WDFY4: variants seen among roughly 807,000 people sequenced by gnomAD.
The protein encoded by WDFY4 is WDFY family member 4, also known as WD repeat- and FYVE domain-containing protein 4.
A neutral mutation model predicts 351.9 loss-of-function variants in WDFY4; 169 were observed. That is an observed-to-expected ratio of 0.48 (90% CI 0.42 to 0.55). The LOEUF is 0.55. WDFY4 is among the 20% of genes least tolerant of loss of function. WDFY4 has a pLI of 0.00. For synonymous variants in WDFY4, 1,622 were observed against 1,574.6 expected (o/e 1.03, Z -0.71); for missense variants, 3,803 against 3,935.6 (o/e 0.97, Z 0.90).
chr10:48,957,622 C>A (rs1263356044), intron 52 of WDFY4, among the ~76,000 whole-genome samples: 2 of 152,238 alleles, frequency 1.3e-5, no homozygotes, highest in Non-Finnish European at 2.9e-5. Context: ...AGACCTTGGG[C>A]AAGCTCCTGG....
intron 43 of WDFY4, among the ~76,000 whole-genome samples, chr10:48,881,904 G>T (rs755594049): frequency 6.6e-6 from 1 of 152,186 alleles, no homozygotes; most frequent in Non-Finnish European, 1.5e-5. Context: ...AGCATAGCTG[G>T]TGGATCCATC....
chr10:48,719,069 G>A (rs1215332989), intron 2 of WDFY4, among the ~76,000 whole-genome samples: 1 of 152,100 alleles, frequency 6.6e-6, no homozygotes, highest in Non-Finnish European at 1.5e-5. Flanking sequence ...GCCAGAAAAT[G>A]TAAGAATAGA....
At chr10:48,714,399 G>A (rs1475702974) in intron 2 of WDFY4, among the ~76,000 whole-genome samples, 1 of 152,220 alleles carries the variant, frequency 6.6e-6, no homozygotes, top group Non-Finnish European at 1.5e-5. Flanking sequence ...CAGATAAGGA[G>A]GAAGTTTTAT....
At chr10:48,841,572 C>T (rs950736775) in intron 39 of WDFY4, among the ~76,000 whole-genome samples, 2 of 152,202 alleles carry the variant, frequency 1.3e-5, no homozygotes, top group African/African-American at 4.8e-5. Flanking sequence ...CTTACCCATG[C>T]AGGAAAGAGA....
chr10:48,858,727 T>C (rs1348769843), intron 39 of WDFY4, among the ~76,000 whole-genome samples: 1 of 152,220 alleles, frequency 6.6e-6, no homozygotes, highest in Non-Finnish European at 1.5e-5. Flanking sequence ...GAAACTCGTC[T>C]GTATCTAGAA....
intron 53 of WDFY4, 112 bp from the exon 54 acceptor site, chr10:48,963,730 C>A (rs1030029406): frequency 2.5e-6 from 3 of 1,196,844 alleles, no homozygotes; most frequent in South Asian, 3.0e-5. Flanking sequence ...CATCAATTAT[C>A]TCCTCTGTGC....
intron 39 of WDFY4, among the ~76,000 whole-genome samples, chr10:48,833,820 C>A (rs990239406): frequency 2.0e-5 from 3 of 152,156 alleles, no homozygotes; most frequent in Non-Finnish European, 2.9e-5. Flanking sequence ...AAAGGTTCCC[C>A]AGGGAGGTAA....
At chr10:48,923,937 C>G (rs1839345462) in intron 47 of WDFY4, among the ~76,000 whole-genome samples, 1 of 152,174 alleles carries the variant, frequency 6.6e-6, no homozygotes, top group Non-Finnish European at 1.5e-5. Context: ...CCCAGCTGTG[C>G]CGGTTGCCCA....
At chr10:48,770,900 A>G (rs567725364) in intron 13 of WDFY4, among the ~76,000 whole-genome samples, 2 of 152,238 alleles carry the variant, frequency 1.3e-5, no homozygotes, top group Non-Finnish European at 2.9e-5. Context: ...GGAAAACAGC[A>G]ATGCTGGCAA....
chr10:48,787,842 C>CTTCTTCT (rs2066465998), intron 20 of WDFY4, among the ~76,000 whole-genome samples: 1 of 140,212 alleles, frequency 7.1e-6, no homozygotes, highest in Admixed American at 6.9e-5. Flanking sequence ...TCTTCTTCTT[C>CTTCTTCT]TTCTTCTTCT....
chr10:48,940,472 G>C (rs1840694649), intron 47 of WDFY4, among the ~76,000 whole-genome samples: 1 of 152,198 alleles, frequency 6.6e-6, no homozygotes, highest in Non-Finnish European at 1.5e-5. Flanking sequence ...TGACGGTGGG[G>C]CTATGATGGG....
chr10:48,745,103 T>A (rs762582523), intron 12 of WDFY4, among the ~76,000 whole-genome samples: 2 of 152,254 alleles, frequency 1.3e-5, no homozygotes, highest in African/African-American at 2.4e-5. Flanking sequence ...TCTTTTTACA[T>A]GTAAATTTCT....
intron 47 of WDFY4, among the ~76,000 whole-genome samples, chr10:48,904,904 A>C (rs1297999190): frequency 6.6e-6 from 1 of 152,086 alleles, no homozygotes. Context: ...TGTTATCCAC[A>C]AGGGGGTGAG....
At chr10:48,712,805 T>C (rs1589435442) in intron 2 of WDFY4, among the ~76,000 whole-genome samples, 1 of 150,924 alleles carries the variant, frequency 6.6e-6, no homozygotes. Flanking sequence ...TTCCATGAAG[T>C]TCCCCCTTGG....
intron 13 of WDFY4, among the ~76,000 whole-genome samples, chr10:48,769,978 G>A (rs918372504): frequency 6.6e-5 from 10 of 152,166 alleles, no homozygotes; most frequent in African/African-American, 1.7e-4. Context: ...CCTCCATCCC[G>A]TCTCCTGCGT....
chr10:48,713,860 T>C (rs528877667), intron 2 of WDFY4, among the ~76,000 whole-genome samples: 8 of 152,334 alleles, frequency 5.3e-5, no homozygotes, highest in African/African-American at 1.7e-4. Flanking sequence ...CTAAGCAACC[T>C]GTATATTAGA....
chr10:48,807,166 T>G (rs2448539), intron 27 of WDFY4, among the ~76,000 whole-genome samples: 84,902 of 151,978 alleles, frequency 0.56, 24,229 homozygotes, highest in East Asian at 0.83. Flanking sequence ...CAGTATGGCG[T>G]GGTGTATGCC....
intron 13 of WDFY4, among the ~76,000 whole-genome samples, chr10:48,764,879 T>A (rs2065619777): frequency 1.3e-5 from 2 of 151,996 alleles, no homozygotes; most frequent in African/African-American, 4.8e-5. Flanking sequence ...ATAACCGAGG[T>A]TTGCCCACAA....
In WDFY4 at chr10:48,897,445, C is replaced by T. The variant is rs1181600255; in HGVS notation, c.7317-9C>T. On this transcript the variant is annotated splice_polypyrimidine_tract_variant and intron_variant, in intron 44 of 61. Coordinates refer to ENST00000325239, the MANE Select transcript of WDFY4 (RefSeq NM_001394531.1). ...GAACATGTGCCCTGCATGCCTGTTT[C>T]CTTTTCAGCATCAGCGATCCGTTCA... The T allele has an allele frequency of 1.3e-6, 2 of 1,550,612 alleles. No homozygotes were observed. Among genetic ancestry groups the T allele is most frequent in the East Asian group, 2.4e-5 (1 of 40,912 alleles).
Sources: allele counts gnomAD v4.1 joint callset (sites outside exome capture counted in the v4.1 genomes callset), GRCh38; gene constraint gnomAD v4.1.1; transcripts MANE v1.5; gene names NCBI Gene and HGNC (gene_info 2026-07-23, HGNC 2026-07-21).